The following CTNNA3 variants were observed in gnomAD, a reference collection of about 807,000 sequenced individuals.
CTNNA3 encodes the protein catenin alpha 3.
Under a neutral mutation model 95.7 loss-of-function variants are expected in CTNNA3, and 76 were observed. The ratio of observed to expected loss-of-function variants is 0.79; its 90% CI spans 0.66 to 0.96. The LOEUF (loss-of-function observed/expected upper bound fraction) is 0.96, where lower values mean the gene tolerates loss of function less well. CTNNA3 is among the 40% of genes least tolerant of loss of function. CTNNA3 has a pLI of 0.00. For synonymous variants in CTNNA3, 431 were observed against 374.4 expected (o/e 1.15, Z -1.74); for missense variants, 1,191 against 1,089.8 (o/e 1.09, Z -1.31).
chr10:66,084,486 T>C (rs921385087), intron 14 of CTNNA3, among the ~76,000 whole-genome samples: 6 of 152,304 alleles, frequency 3.9e-5, no homozygotes, highest in South Asian at 2.1e-4. Context: ...AAATTGAAGA[T>C]GATTTCTAAA....
intron 7 of CTNNA3, among the ~76,000 whole-genome samples, chr10:66,898,693 C>A (rs951887585): frequency 5.3e-5 from 8 of 152,068 alleles, no homozygotes; most frequent in Non-Finnish European, 1.0e-4. Context: ...ACACTAGACA[C>A]AAAAATCAAC....
intron 3 of CTNNA3, among the ~76,000 whole-genome samples, chr10:67,553,328 A>C (rs1289114889): frequency 6.6e-6 from 1 of 152,170 alleles, no homozygotes; most frequent in East Asian, 1.9e-4. Context: ...AGGTTTATAC[A>C]TACTAACTGG....
At chr10:67,643,161 G>A (rs1003365207) in intron 2 of CTNNA3, among the ~76,000 whole-genome samples, 4 of 152,200 alleles carry the variant, frequency 2.6e-5, no homozygotes, top group African/African-American at 4.8e-5. Context: ...ACAAGTTCAC[G>A]TCCTTTGTAG....
chr10:66,895,559 A>G (rs934338157), intron 7 of CTNNA3, among the ~76,000 whole-genome samples: 9 of 152,068 alleles, frequency 5.9e-5, no homozygotes, highest in African/African-American at 2.2e-4. Context: ...GGAGAGAGAC[A>G]TGGTATGCTA....
At chr10:66,885,743 A>G (rs1845018677) in intron 7 of CTNNA3, among the ~76,000 whole-genome samples, 1 of 152,178 alleles carries the variant, frequency 6.6e-6, no homozygotes, top group African/African-American at 2.4e-5. Context: ...GATGAAAAAT[A>G]AAATAAACTC....
intron 13 of CTNNA3, among the ~76,000 whole-genome samples, chr10:66,271,961 A>G (rs995011358): frequency 6.6e-6 from 1 of 152,194 alleles, no homozygotes; most frequent in Non-Finnish European, 1.5e-5. Context: ...TTCAAATGGG[A>G]TACACAAGAG....
At chr10:65,994,179 G>A (rs1224563240) in intron 15 of CTNNA3, among the ~76,000 whole-genome samples, 8 of 152,084 alleles carry the variant, frequency 5.3e-5, no homozygotes, top group African/African-American at 1.7e-4. Context: ...ATGGTTTGGT[G>A]TTTTTCTGTA....
chr10:65,992,020 C>G (rs532609765), intron 15 of CTNNA3, among the ~76,000 whole-genome samples: 2 of 151,988 alleles, frequency 1.3e-5, no homozygotes, highest in South Asian at 4.2e-4. Flanking sequence ...ATTTTTTAAT[C>G]TTTCATTCTT....
At chr10:67,749,538 T>G (rs530092711) in intron 1 of CTNNA3, among the ~76,000 whole-genome samples, 1 of 152,212 alleles carries the variant, frequency 6.6e-6, no homozygotes, top group South Asian at 2.1e-4. Flanking sequence ...ACATGGAAAT[T>G]GAACAACCTG....
intron 12 of CTNNA3, among the ~76,000 whole-genome samples, chr10:66,299,224 C>A (rs890419990): frequency 3.9e-5 from 6 of 152,140 alleles, no homozygotes; most frequent in Non-Finnish European, 8.8e-5. Context: ...ATCTTAGATG[C>A]ATGTCATTAG....
intron 12 of CTNNA3, among the ~76,000 whole-genome samples, chr10:66,357,355 C>G (rs548796730): frequency 1.3e-5 from 2 of 151,948 alleles, no homozygotes; most frequent in Non-Finnish European, 2.9e-5. Flanking sequence ...AATTTACATA[C>G]CATGCGAGTC....
chr10:67,178,718 CTT>C (rs1260007165), intron 7 of CTNNA3, among the ~76,000 whole-genome samples: 1 of 151,572 alleles, frequency 6.6e-6, no homozygotes, highest in Non-Finnish European at 1.5e-5. Flanking sequence ...GTATATATAA[CTT>C]TACTATATTT....
intron 7 of CTNNA3, among the ~76,000 whole-genome samples, chr10:66,998,548 A>T (rs1193541394): frequency 6.6e-6 from 1 of 152,168 alleles, no homozygotes; most frequent in Non-Finnish European, 1.5e-5. Flanking sequence ...AAATAAAAAG[A>T]TGAAGAATGA....
intron 15 of CTNNA3, among the ~76,000 whole-genome samples, chr10:66,020,060 C>G (rs566929653): frequency 6.6e-6 from 1 of 152,244 alleles, no homozygotes; most frequent in Non-Finnish European, 1.5e-5. Context: ...TTATTCTTTC[C>G]TTCATCACAA....
At chr10:67,744,198 A>G (rs551240455) in intron 1 of CTNNA3, among the ~76,000 whole-genome samples, 1 of 151,454 alleles carries the variant, frequency 6.6e-6, no homozygotes, top group East Asian at 1.9e-4. Context: ...TCAGCAAGTC[A>G]GTCCTAAGCC....
chr10:66,129,507 G>T (rs1011090933), intron 13 of CTNNA3, among the ~76,000 whole-genome samples: 1 of 152,102 alleles, frequency 6.6e-6, no homozygotes, highest in African/African-American at 2.4e-5. Flanking sequence ...CCTTAAGCTC[G>T]ACTTGCTTCC....
intron 1 of CTNNA3, among the ~76,000 whole-genome samples, chr10:67,708,522 A>G (rs1841090266): frequency 6.6e-6 from 1 of 152,170 alleles, no homozygotes; most frequent in Non-Finnish European, 1.5e-5. Context: ...CTTATTTCAA[A>G]TTATTTGAAC....
intron 7 of CTNNA3, among the ~76,000 whole-genome samples, chr10:67,039,265 C>G (rs1468561672): frequency 6.6e-6 from 1 of 152,082 alleles, no homozygotes; most frequent in Non-Finnish European, 1.5e-5. Context: ...ACTGTAGCAG[C>G]TGTTAGAAAT....
chr10:66,813,779 C>T (rs1160895668), intron 7 of CTNNA3, among the ~76,000 whole-genome samples: 1 of 151,632 alleles, frequency 6.6e-6, no homozygotes, highest in Non-Finnish European at 1.5e-5. Flanking sequence ...AGTATAAAGT[C>T]GGAAGGGGCA....
Sources: gnomAD v4.1 joint callset for allele counts (sites outside exome capture counted in the v4.1 genomes callset) on GRCh38, gnomAD v4.1.1 for gene constraint, MANE v1.5 for transcripts, NCBI Gene and HGNC (gene_info 2026-07-23, HGNC 2026-07-21) for gene names.